The following CLIP2 variants were observed in gnomAD, a reference collection of about 807,000 sequenced individuals.
CLIP2 encodes CAP-Gly domain-containing linker protein 2.
Under a neutral mutation model 111.7 loss-of-function variants are expected in CLIP2, and 41 were observed. The ratio of observed to expected loss-of-function variants is 0.37; its 90% CI spans 0.29 to 0.48. The LOEUF is 0.48. CLIP2 is among the 20% of genes least tolerant of loss of function. The probability of loss-of-function intolerance (pLI) is 0.99; values close to 1 mark genes in which losing one functional copy is unlikely to be tolerated. For synonymous variants in CLIP2, 660 were observed against 644.2 expected, an observed-to-expected ratio of 1.02 and a Z score of -0.37; for missense variants, 1,160 against 1,422.1, an observed-to-expected ratio of 0.82 and a Z score of 2.96.
Position 74,376,147 on chromosome 7 carries a change from C to T in CLIP2, c.1746C>T (p.Arg582=), listed in dbSNP as rs782382338. 10 of 1,609,046 alleles carry T rather than the reference C, an allele frequency of 6.2e-6. No homozygotes were observed. The highest frequency in any genetic ancestry group is 1.7e-4 in the Middle Eastern group (1 of 6,030). The stretch of plus-strand genomic sequence containing the variant: ...ACCAGGCGGAGGTGGACAAGCTCCG[C>T]GCGGCCAACGAGAAGTACGCACAGG... ...KAYQAEVDKL[R]AANEKYAQEV... The change falls in exon 10 of 17, where the codon CGC becomes CGT. Residue 582 remains arginine, a synonymous_variant. Coordinates refer to ENST00000223398, the MANE Select transcript of CLIP2 (RefSeq NM_003388.5). The surrounding 1 kb of genome is among the most constrained non-coding windows in gnomAD (Gnocchi z 7.1).
intron 3 of CLIP2, among the ~76,000 whole-genome samples, chr7:74,347,643 C>T (rs184412648): frequency 6.6e-6 from 1 of 152,158 alleles, no homozygotes; most frequent in Non-Finnish European, 1.5e-5. Context: ...ACTCCCTCTA[C>T]AATGGAGATT....
intron 2 of CLIP2, among the ~76,000 whole-genome samples, chr7:74,336,891 T>TTTTTTTTTTTTTTTTTTTTTTTTTTTG (rs1564049067): frequency 2.9e-3 from 3 of 1,018 alleles, no homozygotes; most frequent in Non-Finnish European, 4.4e-3. Flanking sequence ...TTTTGTTTTG[T>TTTTTTTTTTTTTTTTTTTTTTTTTTTG]TTTTTTTTTT....
intron 1 of CLIP2, among the ~76,000 whole-genome samples, chr7:74,307,560 G>T (rs998496647): frequency 1.3e-5 from 2 of 152,044 alleles, no homozygotes; most frequent in East Asian, 1.9e-4. Context: ...GCACCATCTC[G>T]GCTCACCACA....
chr7:74,352,564 A>G (rs1185647858), intron 3 of CLIP2, among the ~76,000 whole-genome samples: 1 of 152,108 alleles, frequency 6.6e-6, no homozygotes, highest in Non-Finnish European at 1.5e-5. Context: ...AGTACTATCT[A>G]CTTAGTCATA....
chr7:74,338,848 C>T lies in CLIP2; in HGVS notation c.522C>T (p.Gly174=). Residue 174 remains glycine (G), a synonymous_variant, in exon 3 of 17, where the codon GGC becomes GGT. Transcript: ENST00000223398. The surrounding 1 kb of genome is among the most constrained non-coding windows in gnomAD (Gnocchi z 4.3). ...CCCAGAACCTGTCATTGCATTCGGG[C>T]ACGGCCACGCCCCCGCTGACCAGCC... ...LTAQNLSLHS[G]TATPPLTSRV... The T allele has an allele frequency of 6.2e-7, 1 of 1,609,844 alleles. No individual in the cohort carries two copies. The highest frequency in any genetic ancestry group is 8.5e-7 in the Non-Finnish European group (1 of 1,179,912).
At chr7:74,382,105 C>T (rs575173139) in intron 11 of CLIP2, among the ~76,000 whole-genome samples, 161 of 151,256 alleles carry the variant, frequency 1.1e-3, no homozygotes, top group South Asian at 2.3e-3. Flanking sequence ...TTTTTTGAGA[C>T]GGAGTTTCAC....
chr7:74,364,247 C>T lies in CLIP2; in HGVS notation c.1320-8C>T, dbSNP rs782389402. The T allele has an allele frequency of 3.7e-6, 6 of 1,612,420 alleles. No homozygotes were observed. The South Asian group carries it at 5.5e-5, about 15-fold the overall frequency. ...GCCAGGTCAGCCACCTCTTTCCCTC[C>T]CCTGCAGGAAGGTGGAGGATCTGCA... On this transcript the variant is annotated splice_polypyrimidine_tract_variant and splice_region_variant and intron_variant, in intron 7 of 16. Transcript: ENST00000223398.
chr7:74,322,994 G>A lies in CLIP2; in HGVS notation c.121+5327G>A, dbSNP rs557986832. Among the ~76,000 whole-genome samples, 10 of 152,160 alleles carry A rather than the reference G, an allele frequency of 6.6e-5. 1 individual carries two copies. Among genetic ancestry groups the A allele is most frequent in the East Asian group, 3.9e-4 (2 of 5,168 alleles). On this transcript the variant is annotated intron_variant, in intron 2 of 16. Coordinates refer to ENST00000223398, the MANE Select transcript of CLIP2 (RefSeq NM_003388.5). The stretch of plus-strand genomic sequence containing the variant: ...TCCACCTGCTTCGGCCTTCCAAAGC[G>A]CTGGGATTACAGGTATGAGCCACCG...
intron 8 of CLIP2, among the ~76,000 whole-genome samples, chr7:74,365,497 C>T (rs74937568): frequency 0.01 from 1,558 of 152,292 alleles, 26 homozygotes; most frequent in African/African-American, 0.036. Flanking sequence ...CACTACCTAC[C>T]AGCTGTCATT....
chr7:74,400,254 C>T (rs1232529130), intron 14 of CLIP2, 116 bp from the exon 15 acceptor site: 1 of 918,924 alleles, frequency 1.1e-6, no homozygotes, highest in African/African-American at 1.7e-5. Context: ...GGGTGATGCC[C>T]AGGCTTGGAA....
intron 1 of CLIP2, among the ~76,000 whole-genome samples, chr7:74,293,762 A>G (rs1788090168): frequency 6.6e-6 from 1 of 152,084 alleles, no homozygotes; most frequent in Non-Finnish European, 1.5e-5. Context: ...ACCAGAGTGC[A>G]CTGATCAGGC....
rs369253693 is a variant in CLIP2 at position 74,299,424 on chromosome 7, G to A, written c.-68+9690G>A. ...CCTAATCCCTGGGCCACCAAGTTCT[G>A]TTCCTCCTCCACTCTCCCCACCCAT... On this transcript the variant is annotated intron_variant, in intron 1 of 16. Coordinates refer to ENST00000223398, the MANE Select transcript of CLIP2 (RefSeq NM_003388.5). Among the ~76,000 whole-genome samples, 4 of 152,318 alleles carry A rather than the reference G, an allele frequency of 2.6e-5. No homozygotes were observed. The East Asian group carries it at 5.8e-4, about 22-fold the overall frequency.
intron 8 of CLIP2, 55 bp from the exon 9 acceptor site, chr7:74,372,877 C>T: frequency 1.8e-6 from 1 of 557,686 alleles, no homozygotes; most frequent in South Asian, 1.6e-5. Context: ...CCCTGTGCCC[C>T]CCTCCCTGCG....
At chr7:74,400,646 T>TAA in intron 15 of CLIP2, 91 bp downstream of exon 15, 5 of 1,285,410 alleles carry the variant, frequency 3.9e-6, no homozygotes, top group Non-Finnish European at 5.3e-6. Context: ...GCCTTGTCTT[T>TAA]AAAACCCCAG....
At chr7:74,397,657 G>GTTGT (rs1791493506) in intron 14 of CLIP2, among the ~76,000 whole-genome samples, 2 of 113,418 alleles carry the variant, frequency 1.8e-5, no homozygotes, top group African/African-American at 7.3e-5. Context: ...GGGTGGCTGA[G>GTTGT]TTTTTTTTGT....
chr7:74,311,929 A>G (rs113524012), intron 1 of CLIP2, among the ~76,000 whole-genome samples: 4 of 138,156 alleles, frequency 2.9e-5, no homozygotes, highest in Admixed American at 1.6e-4. Flanking sequence ...AAAAAAAAAA[A>G]AAAGAAAGAA....
intron 8 of CLIP2, chr7:74,364,745 G>A (rs952072027): frequency 1.8e-5 from 7 of 398,246 alleles, no homozygotes; most frequent in African/African-American, 1.0e-4. Context: ...CAAGGGAGCT[G>A]GGTATGGTGG....
chr7:74,381,298 C>G (rs1790938707), intron 11 of CLIP2, among the ~76,000 whole-genome samples: 1 of 152,128 alleles, frequency 6.6e-6, no homozygotes, highest in African/African-American at 2.4e-5. Flanking sequence ...AAGCGATTCT[C>G]CTGCCTCAGC....
intron 3 of CLIP2, among the ~76,000 whole-genome samples, chr7:74,340,124 G>A (rs370392116): frequency 1.1e-4 from 17 of 151,194 alleles, no homozygotes; most frequent in Non-Finnish European, 2.2e-4. Context: ...GGCCAAGCAC[G>A]GTGGCTCACA....
Sources: allele counts gnomAD v4.1 joint callset (sites outside exome capture counted in the v4.1 genomes callset), GRCh38; gene constraint gnomAD v4.1.1; non-coding constraint Gnocchi (gnomAD v3.1); transcripts MANE v1.5; gene names NCBI Gene and HGNC (gene_info 2026-07-23, HGNC 2026-07-21).